PPP1R21: variants seen among roughly 807,000 people sequenced by gnomAD.
PPP1R21 encodes the protein protein phosphatase 1 regulatory subunit 21, also known as KLRAQ motif containing 1.
Under a neutral mutation model 112.8 loss-of-function variants are expected in PPP1R21, and 85 were observed. The observed-to-expected ratio is 0.75, with a 90% CI of 0.63 to 0.90. The LOEUF (loss-of-function observed/expected upper bound fraction) is 0.90, where lower values mean the gene tolerates loss of function less well. Among genes scored for constraint, PPP1R21 ranks in the 40% least tolerant of loss-of-function variants. The pLI is 0.00. For synonymous variants in PPP1R21, 381 were observed against 322.3 expected (o/e 1.18, Z -1.95); for missense variants, 1,199 against 901.5 (o/e 1.33, Z -4.23).
chr2:48,484,700 G>C (rs1397098625), intron 13 of PPP1R21, among the ~76,000 whole-genome samples: 1 of 151,990 alleles, frequency 6.6e-6, no homozygotes, highest in African/African-American at 2.4e-5. Flanking sequence ...ATTTTTAGTA[G>C]ACACGGGGTT....
intron 14 of PPP1R21, among the ~76,000 whole-genome samples, chr2:48,487,210 C>T (rs971546968): frequency 6.6e-6 from 1 of 152,028 alleles, no homozygotes; most frequent in African/African-American, 2.4e-5. Flanking sequence ...ACACTGGGAA[C>T]ATACAAAAAA....
In PPP1R21 at chr2:48,483,051, T is replaced by C. The variant is rs1214301023; in HGVS notation, c.1318+3035T>C. Reference sequence around the variant, plus strand: ...AACATGCAGTATTTGATTTTCTGTTTCTGCGTTAGTTTGCTGAAGATAATG... The same window carrying C: ...AACATGCAGTATTTGATTTTCTGTTCCTGCGTTAGTTTGCTGAAGATAATG... On this transcript the variant is annotated intron_variant, in intron 13 of 21. Transcript: ENST00000294952. Among the ~76,000 whole-genome samples the C allele has an allele frequency of 2.0e-5, 3 of 152,244 alleles. No homozygotes were observed. The East Asian group carries it at 5.8e-4, about 29-fold the overall frequency.
chr2:48,483,984 A>C (rs563089109), intron 13 of PPP1R21, among the ~76,000 whole-genome samples: 1 of 152,194 alleles, frequency 6.6e-6, no homozygotes, highest in East Asian at 1.9e-4. Context: ...TACCGTGCCC[A>C]GCCTAATGTA....
rs369178919 is a variant in PPP1R21, at chr2:48,456,819, G to A, written c.274-1307G>A. On this transcript the variant is annotated intron_variant, in intron 3 of 21. Transcript: ENST00000294952. ...TGTAATCCCAGCACTTTGGGAGGCC[G>A]AGGCGGGCAGATCAGGAGGTCAGGA... Among the ~76,000 whole-genome samples, 13 of 152,166 alleles carry A rather than the reference G, an allele frequency of 8.5e-5. No individual in the cohort carries two copies. The East Asian group carries it at 2.1e-3, about 25-fold the overall frequency.
intron 14 of PPP1R21, 92 bp from the exon 15 acceptor site, chr2:48,490,926 C>T: frequency 1.3e-5 from 14 of 1,100,526 alleles, no homozygotes; most frequent in Non-Finnish European, 1.7e-5. Context: ...CCATTCTCAA[C>T]ATCTTTAAAC....
intron 13 of PPP1R21, among the ~76,000 whole-genome samples, chr2:48,482,771 T>G (rs909893736): frequency 2.0e-5 from 2 of 100,342 alleles, no homozygotes; most frequent in African/African-American, 6.2e-5. Context: ...ATCAGATGAC[T>G]TTTTTTTCCC....
rs145162953 is a variant in PPP1R21, at chr2:48,474,798, A to G, written c.1204A>G (p.Ile402Val). 2.1e-4 allele frequency: 344 copies of G among 1,613,510 alleles called. No individual in the cohort carries two copies. The African/African-American group carries it at 4.0e-3, about 19-fold the overall frequency. Residue 402 changes from isoleucine (I) to valine (V), a missense_variant, in exon 12 of 22, where the codon ATA becomes GTA. Ile to Val is a conservative substitution (Grantham distance 29). Coordinates refer to ENST00000294952, the MANE Select transcript of PPP1R21 (RefSeq NM_001135629.3). ...TAVFEKLQTY[I>V]ALLALPSTEP... ...TGTGTTTGAGAAGCTGCAGACTTAC[A>G]TAGCTCTTCTTGCCTTGCCAAGTAA...
intron 1 of PPP1R21, among the ~76,000 whole-genome samples, chr2:48,450,657 T>C (rs1015948786): frequency 6.6e-6 from 1 of 152,260 alleles, no homozygotes; most frequent in Non-Finnish European, 1.5e-5. Context: ...GAACATGGCA[T>C]ATTCAGTACC....
At chr2:48,507,419 T>C in intron 19 of PPP1R21, 34 bp downstream of exon 19, 1 of 1,586,698 alleles carries the variant, frequency 6.3e-7, no homozygotes, top group Non-Finnish European at 8.5e-7. Context: ...GGTGGTTTTT[T>C]TCCTAACCCC....
Position 48,461,210 on chromosome 2 carries a change from A to C in PPP1R21, c.672A>C (p.Glu224Asp), listed in dbSNP as rs1216967231. The change falls in exon 7 of 22, where the codon GAA becomes GAC. Residue 224 changes from glutamate to aspartate, a missense_variant. By Grantham distance (45) the Glu-to-Asp change is conservative. Transcript: ENST00000294952. ...AGGAATCCTTATCAATCATCAATGA[A>C]AAAGTACCTTTTAATGATACAAGTA... is the stretch of plus-strand genomic sequence containing the variant. The part of the protein sequence containing the change: ...RLEESLSIIN[E>D]KVPFNDTKYS... 6.3e-7 allele frequency: 1 copy of C among 1,583,070 alleles called. No individual in the cohort carries two copies. Among genetic ancestry groups the C allele is most frequent in the Non-Finnish European group, 8.5e-7 (1 of 1,170,222 alleles).
chr2:48,491,234 A>T, intron 15 of PPP1R21, 64 bp downstream of exon 15: 1 of 1,543,498 alleles, frequency 6.5e-7, no homozygotes. Flanking sequence ...AGAGAATGGC[A>T]AGAGTTTTTC....
At chr2:48,455,643 C>T (rs1427818926) in intron 3 of PPP1R21, among the ~76,000 whole-genome samples, 5 of 152,108 alleles carry the variant, frequency 3.3e-5, no homozygotes, top group African/African-American at 9.7e-5. Flanking sequence ...TTTTTGACAT[C>T]TTTTGGTTAT....
intron 2 of PPP1R21, among the ~76,000 whole-genome samples, chr2:48,453,877 G>T (rs866792907): frequency 1.3e-5 from 2 of 152,100 alleles, no homozygotes; most frequent in African/African-American, 4.8e-5. Context: ...ATTCAGGGAG[G>T]ATTTACAGAA....
Position 48,454,664 on chromosome 2 carries a change from A to T in PPP1R21, c.196A>T (p.Asn66Tyr), listed in dbSNP as rs1267303499. 3.1e-6 allele frequency: 5 copies of T among 1,614,020 alleles called. No individual in the cohort carries two copies. Among genetic ancestry groups the T allele is most frequent in the Non-Finnish European group, 4.2e-6 (5 of 1,179,974 alleles). ...QQEMDSLTFR[N>Y]LQLAKRVELL... ...GGAAATGGACAGTTTGACATTTCGA[A>T]ATCTGCAGCTTGCCAAGAGGGTAGA... Residue 66 changes from asparagine (N) to tyrosine (Y), a missense_variant, in exon 3 of 22, where the codon AAT becomes TAT. Transcript: ENST00000294952.
intron 21 of PPP1R21, among the ~76,000 whole-genome samples, chr2:48,511,912 A>T (rs191092273): frequency 6.6e-6 from 1 of 152,048 alleles, no homozygotes; most frequent in African/African-American, 2.4e-5. Flanking sequence ...ATTTTCCTTA[A>T]TATCATTTGT....
chr2:48,513,931 G>C (rs1050367777), intron 21 of PPP1R21, among the ~76,000 whole-genome samples: 2 of 152,142 alleles, frequency 1.3e-5, no homozygotes, highest in African/African-American at 4.8e-5. Flanking sequence ...TCTTCTCTCT[G>C]ATTTGTTCTC....
chr2:48,460,123 C>G lies in PPP1R21; in HGVS notation c.569C>G (p.Ala190Gly). 6.2e-7 allele frequency: 1 copy of G among 1,614,026 alleles called. No individual in the cohort carries two copies. The highest frequency in any genetic ancestry group is 1.1e-5 in the South Asian group (1 of 91,074). Reference protein sequence around the residue: ...EVKSQTLEKEAKECRLRTEEC... With the variant: ...EVKSQTLEKEGKECRLRTEEC... ...AAATCTCAGACTCTAGAAAAGGAAG[C>G]CAAGGAATGTCGACTTCGAACGGAA... The change falls in exon 6 of 22, where the codon GCC becomes GGC. Residue 190 changes from alanine to glycine, a missense_variant. By Grantham distance (60) the Ala-to-Gly change is moderately conservative. Transcript: ENST00000294952.
At chr2:48,474,165 C>T (rs1466707281) in intron 11 of PPP1R21, among the ~76,000 whole-genome samples, 1 of 151,316 alleles carries the variant, frequency 6.6e-6, no homozygotes, top group Admixed American at 6.6e-5. Context: ...GGCGGATCAC[C>T]CGAGGTCAGG....
chr2:48,451,166 C>G, intron 2 of PPP1R21, 90 bp downstream of exon 2: 1 of 959,442 alleles, frequency 1.0e-6, no homozygotes, highest in Non-Finnish European at 1.7e-6. Context: ...GTTAAAGTTC[C>G]AACTCTGACA....
Sources: allele counts gnomAD v4.1 joint callset (sites outside exome capture counted in the v4.1 genomes callset), GRCh38; gene constraint gnomAD v4.1.1; transcripts MANE v1.5; gene names NCBI Gene and HGNC (gene_info 2026-07-23, HGNC 2026-07-21).